CDK15: variants seen among roughly 807,000 people sequenced by gnomAD.
CDK15 encodes the protein cyclin-dependent kinase 15.
Under a neutral mutation model 60.3 loss-of-function variants are expected in CDK15, and 62 were observed. The ratio of observed to expected loss-of-function variants is 1.03; its 90% CI spans 0.84 to 1.27. The LOEUF is 1.27. Among genes scored for constraint, CDK15 ranks in the 50% most tolerant of loss-of-function variants. The pLI is 0.00. For missense variants in CDK15, 541 were observed against 527.8 expected, an observed-to-expected ratio of 1.03 and a Z score of -0.25; for synonymous variants, 194 against 195.7, an observed-to-expected ratio of 0.99 and a Z score of 0.07.
At chr2:201,852,764 A>G (rs1697967735) in intron 9 of CDK15, among the ~76,000 whole-genome samples, 1 of 152,258 alleles carries the variant, frequency 6.6e-6, no homozygotes, top group African/African-American at 2.4e-5. Flanking sequence ...CAAGTGAAAA[A>G]GAATTCAATA....
intron 12 of CDK15, among the ~76,000 whole-genome samples, chr2:201,887,532 G>C (rs890925476): frequency 1.3e-5 from 2 of 152,056 alleles, no homozygotes; most frequent in African/African-American, 4.8e-5. Context: ...AATGTGTTTT[G>C]GCTGTAATAA....
chr2:201,883,569 A>C (rs1422065399), intron 12 of CDK15, among the ~76,000 whole-genome samples: 1 of 152,222 alleles, frequency 6.6e-6, no homozygotes, highest in African/African-American at 2.4e-5. Context: ...AAAAGTGTGA[A>C]TATTAGAATG....
intron 3 of CDK15, among the ~76,000 whole-genome samples, chr2:201,810,009 C>T (rs562594385): frequency 1.3e-5 from 2 of 151,114 alleles, no homozygotes; most frequent in African/African-American, 2.4e-5. Context: ...GAGCTGAGAT[C>T]GGCACCACCG....
Position 201,823,517 on chromosome 2 carries a change from G to C in CDK15, c.544-148G>C, listed in dbSNP as rs1164058725. The C allele has an allele frequency of 2.0e-5, 14 of 686,174 alleles. No individual in the cohort carries two copies. The East Asian group carries it at 4.0e-4, about 19-fold the overall frequency. 42.5% of individuals were successfully genotyped at this position (686,174 alleles called of 1,614,324 possible). On this transcript the variant is annotated intron_variant, in intron 5 of 13. Transcript: ENST00000652192. The stretch of plus-strand genomic sequence containing the variant: ...GTTTGACCTTAACAGTGGGTTCTCA[G>C]AAAACCTGGTTATATTCCTTTTGCA...
intron 8 of CDK15, among the ~76,000 whole-genome samples, chr2:201,836,298 G>C (rs1192611465): frequency 6.9e-6 from 1 of 145,468 alleles, no homozygotes; most frequent in Non-Finnish European, 1.5e-5. Context: ...CCACCTCCCA[G>C]ATTCAAGCAA....
chr2:201,869,305 C>T (rs902199764), intron 10 of CDK15, among the ~76,000 whole-genome samples: 1 of 151,360 alleles, frequency 6.6e-6, no homozygotes, highest in Non-Finnish European at 1.5e-5. Context: ...CGCATGTTCT[C>T]ACTCACAGGG....
chr2:201,833,201 AT>A (rs1016023422), intron 6 of CDK15, among the ~76,000 whole-genome samples: 44 of 78,804 alleles, frequency 5.6e-4, no homozygotes, highest in African/African-American at 1.8e-3. Flanking sequence ...TTCTTTTTTG[AT>A]TTTTTTTGAG....
rs1311274175 is a variant in CDK15, at chr2:201,867,719, C to T, written c.1010-4559C>T. ...CTAGTTGAATCAAACCTCAGGGCTT[C>T]CTTTCTCGTAAAGGTTTCCAGACGA... On this transcript the variant is annotated intron_variant, in intron 10 of 13. Transcript: ENST00000652192. Among the ~76,000 whole-genome samples the T allele has an allele frequency of 2.6e-5, 4 of 152,136 alleles. 1 individual carries two copies. Among genetic ancestry groups the T allele is most frequent in the Non-Finnish European group, 5.9e-5 (4 of 68,014 alleles).
chr2:201,819,028 G>A (rs558967157), intron 4 of CDK15, among the ~76,000 whole-genome samples: 11 of 152,060 alleles, frequency 7.2e-5, no homozygotes, highest in Non-Finnish European at 1.5e-4. Context: ...CAATTGTGGA[G>A]ACAGACAATA....
At chr2:201,833,054 T>TAG (rs1696826784) in intron 6 of CDK15, among the ~76,000 whole-genome samples, 1 of 2,104 alleles carries the variant, frequency 4.8e-4, no homozygotes, top group African/African-American at 6.1e-4. Flanking sequence ...GGGAACCTAG[T>TAG]TAATGGCTTT....
chr2:201,808,896 T>C (rs1435114529), intron 3 of CDK15: 1 of 147,806 alleles, frequency 6.8e-6, no homozygotes, highest in Non-Finnish European at 1.5e-5. Context: ...GTAGGGGACA[T>C]ACAGTTTTAT....
chr2:201,810,345 G>A (rs191476481), intron 3 of CDK15, among the ~76,000 whole-genome samples: 2 of 150,736 alleles, frequency 1.3e-5, no homozygotes, highest in East Asian at 1.9e-4. Context: ...ATTAAAATGC[G>A]ATAAACCTTT....
intron 9 of CDK15, among the ~76,000 whole-genome samples, chr2:201,849,904 A>G (rs1161791295): frequency 6.6e-6 from 1 of 152,016 alleles, no homozygotes; most frequent in Non-Finnish European, 1.5e-5. Flanking sequence ...GGCTCACTGC[A>G]AGCTCCACCT....
Position 201,847,430 on chromosome 2 carries a change from C to T in CDK15, c.901C>T (p.Pro301Ser). 6.2e-7 allele frequency: 1 copy of T among 1,614,028 alleles called. No homozygotes were observed. Among genetic ancestry groups the T allele is most frequent in the Non-Finnish European group, 8.5e-7 (1 of 1,179,986 alleles). ...IEMFQGQPLFPGVSNILEQLE... is the reference protein window; with the variant it reads ...IEMFQGQPLFSGVSNILEQLE... ...AATGTTCCAGGGTCAACCTTTGTTT[C>T]CTGGGGTTTCCAACATCCTTGAACA... The change falls in exon 9 of 14, where the codon CCT becomes TCT. Residue 301 changes from proline to serine, a missense_variant. Transcript: ENST00000652192.
In CDK15 at chr2:201,890,835, G is replaced by C. The variant is rs1699618815; in HGVS notation, c.1249G>C (p.Asp417His). 7 of 1,613,510 alleles carry C rather than the reference G, an allele frequency of 4.3e-6. No individual in the cohort carries two copies. Among genetic ancestry groups the C allele is most frequent in the Non-Finnish European group, 5.9e-6 (7 of 1,179,796 alleles). Residue 417 changes from aspartate (D) to histidine (H), a missense_variant, in exon 13 of 14, where the codon GAC (aspartate) becomes CAC (histidine). Physicochemically the swap from Asp to His is moderately conservative, Grantham distance 81. Transcript: ENST00000652192. The stretch of plus-strand genomic sequence containing the variant: ...AGTGAGGCTAAAGCCAGAAATGTGT[G>C]ACCTTTTGGCCTCCTACCAGAAAGG... ...SGVRLKPEMC[D>H]LLASYQKGHH...
chr2:201,827,027 C>G (rs1316002661), intron 6 of CDK15, among the ~76,000 whole-genome samples: 3 of 152,164 alleles, frequency 2.0e-5, no homozygotes, highest in Non-Finnish European at 4.4e-5. Flanking sequence ...AAAATTCTTT[C>G]CCACTAGTGC....
intron 10 of CDK15, among the ~76,000 whole-genome samples, chr2:201,869,671 C>A (rs577299912): frequency 7.2e-4 from 109 of 152,060 alleles, no homozygotes; most frequent in Non-Finnish European, 1.1e-3. Context: ...CAGCTAACCC[C>A]CAACCCATGT....
chr2:201,856,483 A>T (rs1247322431), intron 10 of CDK15, among the ~76,000 whole-genome samples: 1 of 152,170 alleles, frequency 6.6e-6, no homozygotes, highest in Non-Finnish European at 1.5e-5. Context: ...GAAAAATGCT[A>T]CTCTCTGGTC....
chr2:201,882,563 T>C lies in CDK15; in HGVS notation c.1198+2396T>C, dbSNP rs1699316258. On this transcript the variant is annotated intron_variant, in intron 12 of 13. Coordinates refer to ENST00000652192, the MANE Select transcript of CDK15 (RefSeq NM_001366386.2). This position sits in a 1 kb window ranked among gnomAD's most constrained non-coding sequence, Gnocchi z 4.0. ...CGGACAAGCATTTCCTGCAGCGACA[T>C]CTCGAATCCCCGAGGGAGAAGATGA... Among the ~76,000 whole-genome samples, 1 of 151,890 alleles carries C rather than the reference T, an allele frequency of 6.6e-6. No homozygotes were observed. Among genetic ancestry groups the C allele is most frequent in the Non-Finnish European group, 1.5e-5 (1 of 67,986 alleles).
Sources: gnomAD v4.1 joint callset for allele counts (sites outside exome capture counted in the v4.1 genomes callset) on GRCh38, gnomAD v4.1.1 for gene constraint, Gnocchi (gnomAD v3.1) non-coding constraint, MANE v1.5 for transcripts, NCBI Gene and HGNC (gene_info 2026-07-23, HGNC 2026-07-21) for gene names.